TRERF1: variants seen among roughly 807,000 people sequenced by gnomAD.
The protein encoded by TRERF1 is transcriptional-regulating factor 1.
A neutral mutation model predicts 122.9 loss-of-function variants in TRERF1; 27 were observed. The observed-to-expected ratio is 0.22, with a 90% CI of 0.16 to 0.30. The LOEUF (loss-of-function observed/expected upper bound fraction) is 0.30, where lower values mean the gene tolerates loss of function less well. Ranked by LOEUF, TRERF1 falls within the 10% of genes least tolerant of loss-of-function variation. The pLI, the probability that TRERF1 is intolerant of heterozygous loss-of-function variation, is 1.00. For synonymous variants in TRERF1, 636 were observed against 641.7 expected, an observed-to-expected ratio of 0.99 and a Z score of 0.13; for missense variants, 1,248 against 1,560.3, an observed-to-expected ratio of 0.80 and a Z score of 3.37.
At chr6:42,236,151 C>G in intron 16 of TRERF1, 54 bp downstream of exon 16, 1 of 1,515,310 alleles carries the variant, frequency 6.6e-7, no homozygotes, top group Non-Finnish European at 8.8e-7. Flanking sequence ...AAGCCAGGCA[C>G]AGCTATATGG....
At chr6:42,281,736 A>G (rs944483265) in intron 4 of TRERF1, among the ~76,000 whole-genome samples, 1 of 152,138 alleles carries the variant, frequency 6.6e-6, no homozygotes, top group Non-Finnish European at 1.5e-5. Context: ...TAGGAGGGAC[A>G]CCCAGCGTGG....
At chr6:42,261,598 CTG>C (rs1198349319) in intron 8 of TRERF1, among the ~76,000 whole-genome samples, 3 of 152,128 alleles carry the variant, frequency 2.0e-5, no homozygotes, top group Non-Finnish European at 4.4e-5. Flanking sequence ...GAAACTGAGG[CTG>C]TGAGTGGGGG....
At chr6:42,421,298 T>A (rs1187747557) in intron 2 of TRERF1, among the ~76,000 whole-genome samples, 1 of 152,188 alleles carries the variant, frequency 6.6e-6, no homozygotes, top group Admixed American at 6.5e-5. Flanking sequence ...CCATTCTTAC[T>A]CTCACTAATT....
intron 3 of TRERF1, among the ~76,000 whole-genome samples, chr6:42,305,401 T>C (rs996989902): frequency 6.6e-6 from 1 of 152,028 alleles, no homozygotes; most frequent in Non-Finnish European, 1.5e-5. Context: ...TTCTATACAA[T>C]GGGGGTGACA....
intron 3 of TRERF1, among the ~76,000 whole-genome samples, chr6:42,316,530 A>T (rs1490392286): frequency 1.3e-5 from 2 of 152,212 alleles, no homozygotes; most frequent in Non-Finnish European, 2.9e-5. Context: ...TGCAAAGATT[A>T]TGACAGTGAC....
intron 2 of TRERF1, among the ~76,000 whole-genome samples, chr6:42,420,758 T>C (rs1039979298): frequency 2.0e-5 from 3 of 152,154 alleles, no homozygotes; most frequent in Non-Finnish European, 2.9e-5. Context: ...GGATTGACTT[T>C]AGAGTGATGG....
chr6:42,360,048 A>G (rs1312527457), intron 3 of TRERF1, among the ~76,000 whole-genome samples: 1 of 152,230 alleles, frequency 6.6e-6, no homozygotes, highest in Non-Finnish European at 1.5e-5. Context: ...AGCAGATAAT[A>G]TATTTGTTAC....
In TRERF1 at chr6:42,269,363, T is replaced by C; in HGVS notation, c.228A>G (p.Gln76=). 1 of 1,614,192 alleles carries C rather than the reference T, an allele frequency of 6.2e-7. No individual in the cohort carries two copies. Among genetic ancestry groups the C allele is most frequent in the Non-Finnish European group, 8.5e-7 (1 of 1,180,034 alleles). Residue 76 remains glutamine (Q), a synonymous_variant, in exon 5 of 18, where the codon CAA becomes CAG. Transcript: ENST00000372922. This position sits in a 1 kb window ranked among gnomAD's most constrained non-coding sequence, Gnocchi z 4.9. ...ACCCTCCCTGCCTCGAGGTATCCATTTGGCCAAGGTTTTTGGAGCCAACAG... is the reference window on the plus strand; with the variant it reads ...ACCCTCCCTGCCTCGAGGTATCCATCTGGCCAAGGTTTTTGGAGCCAACAG...
At chr6:42,312,336 A>G (rs1761810886) in intron 3 of TRERF1, among the ~76,000 whole-genome samples, 1 of 152,196 alleles carries the variant, frequency 6.6e-6, no homozygotes, top group African/African-American at 2.4e-5. Context: ...GAAGGATGGC[A>G]CTGCAGCTGT....
intron 4 of TRERF1, among the ~76,000 whole-genome samples, chr6:42,294,819 C>T (rs1784832410): frequency 6.6e-6 from 1 of 152,168 alleles, no homozygotes; most frequent in South Asian, 2.1e-4. Flanking sequence ...AGCTGACAAA[C>T]AGAACCCAAC....
chr6:42,411,699 G>A (rs530142838), intron 2 of TRERF1, among the ~76,000 whole-genome samples: 2 of 152,292 alleles, frequency 1.3e-5, no homozygotes, highest in East Asian at 1.9e-4. Flanking sequence ...CCAGGGATGA[G>A]GCAGGCAGGG....
chr6:42,269,202 A>T lies in TRERF1; in HGVS notation c.389T>A (p.Ile130Asn). 6.2e-7 allele frequency: 1 copy of T among 1,614,140 alleles called. No homozygotes were observed. The highest frequency in any genetic ancestry group is 8.5e-7 in the Non-Finnish European group (1 of 1,180,006). ...ACCGCTGGTAAGCTTCTGGGTCCGG[A>T]TCTCGCTGGCCTGGGAGTAGGTGTA... Residue 130 changes from isoleucine to asparagine, a missense_variant, in exon 5 of 18, where the codon ATC becomes AAC. This residue lies in a region of TRERF1 where 946 missense variants were observed against 1,073.0 expected (regional missense o/e 0.88). Transcript: ENST00000372922. This position sits in a 1 kb window ranked among gnomAD's most constrained non-coding sequence, Gnocchi z 4.9.
At chr6:42,409,240 C>T (rs1780749489) in intron 2 of TRERF1, among the ~76,000 whole-genome samples, 1 of 152,072 alleles carries the variant, frequency 6.6e-6, no homozygotes, top group South Asian at 2.1e-4. Flanking sequence ...GATCACGCCA[C>T]TGCACTCCAG....
At chr6:42,437,548 G>A (rs760700335) in intron 2 of TRERF1, among the ~76,000 whole-genome samples, 3 of 152,110 alleles carry the variant, frequency 2.0e-5, no homozygotes, top group Non-Finnish European at 4.4e-5. Flanking sequence ...AAGAGTTAGC[G>A]CTATCCACGA....
At chr6:42,406,448 CTCTGT>C (rs1780190529) in intron 2 of TRERF1, among the ~76,000 whole-genome samples, 1 of 152,230 alleles carries the variant, frequency 6.6e-6, no homozygotes, top group Admixed American at 6.5e-5. Context: ...AGGCAGAGGC[CTCTGT>C]CCTGGACCCA....
chr6:42,418,217 C>CTT (rs1491418662), intron 2 of TRERF1, among the ~76,000 whole-genome samples: 1 of 9,080 alleles, frequency 1.1e-4, no homozygotes, highest in Non-Finnish European at 5.0e-4. Context: ...CTTTTTCTTT[C>CTT]CTTTTTTTTT....
chr6:42,373,509 T>C (rs1774169605), intron 2 of TRERF1, among the ~76,000 whole-genome samples: 2 of 151,672 alleles, frequency 1.3e-5, no homozygotes, highest in Admixed American at 1.3e-4. Context: ...CTATTAAAAA[T>C]ACAAAAAATT....
At chr6:42,238,950 A>G (rs990836996) in intron 15 of TRERF1, among the ~76,000 whole-genome samples, 15 of 151,992 alleles carry the variant, frequency 9.9e-5, no homozygotes, top group African/African-American at 3.6e-4. Context: ...TAAGTTTCTC[A>G]AGGTCACACA....
intron 4 of TRERF1, among the ~76,000 whole-genome samples, chr6:42,283,180 C>T (rs992819974): frequency 2.2e-4 from 33 of 152,274 alleles, no homozygotes; most frequent in Admixed American, 1.7e-3. Context: ...AAAAAGCACA[C>T]TTGTGTCCAG....
Sources: gnomAD v4.1 joint callset for allele counts (sites outside exome capture counted in the v4.1 genomes callset) on GRCh38, gnomAD v4.1.1 for gene constraint, gnomAD v4.1.1 regional missense constraint, Gnocchi (gnomAD v3.1) non-coding constraint, MANE v1.5 for transcripts, NCBI Gene and HGNC (gene_info 2026-07-23, HGNC 2026-07-21) for gene names.